VPS53: variants seen among roughly 807,000 people sequenced by gnomAD.
VPS53 encodes the protein vacuolar protein sorting-associated protein 53 homolog.
VPS53 carries 70 observed loss-of-function variants against 107.0 expected under a neutral mutation model. The observed-to-expected ratio is 0.65, with a 90% CI of 0.54 to 0.80. The LOEUF is 0.80. Among genes scored for constraint, VPS53 ranks in the 30% least tolerant of loss-of-function variants. The probability of loss-of-function intolerance (pLI) is 0.00; values close to 1 mark genes in which losing one functional copy is unlikely to be tolerated. For missense variants in VPS53, 917 were observed against 1,049.4 expected, an observed-to-expected ratio of 0.87 and a Z score of 1.74; for synonymous variants, 409 against 393.3, an observed-to-expected ratio of 1.04 and a Z score of -0.47.
chr17:589,040 C>A (rs985030131), intron 12 of VPS53, among the ~76,000 whole-genome samples: 2 of 151,852 alleles, frequency 1.3e-5, no homozygotes, highest in Admixed American at 6.6e-5. Context: ...AAACAGATAT[C>A]TTTTTATTAA....
chr17:672,536 C>A (rs535399347), intron 4 of VPS53, among the ~76,000 whole-genome samples: 76 of 152,260 alleles, frequency 5.0e-4, no homozygotes, highest in African/African-American at 1.8e-3. Flanking sequence ...TCTTTTAGAG[C>A]TTTGTAAATA....
chr17:548,900 A>G (rs1911549812), intron 17 of VPS53, among the ~76,000 whole-genome samples: 1 of 152,184 alleles, frequency 6.6e-6, no homozygotes, highest in Admixed American at 6.5e-5. Flanking sequence ...TCTGTTTCAA[A>G]CACCACTTCC....
chr17:707,175 A>C (rs1973439236), intron 2 of VPS53, among the ~76,000 whole-genome samples: 2 of 152,116 alleles, frequency 1.3e-5, no homozygotes, highest in Non-Finnish European at 2.9e-5. Context: ...ATTGGTACTC[A>C]CATATGTATA....
chr17:537,837 T>C (rs1009876572), intron 17 of VPS53: 1 of 152,184 alleles, frequency 6.6e-6, no homozygotes, highest in Non-Finnish European at 1.5e-5. Flanking sequence ...AATAAAACAC[T>C]TGAAGAGGTA....
In VPS53 at chr17:628,105, A is replaced by G. The variant is rs989869542; in HGVS notation, c.814T>C (p.Phe272Leu). ...ATACTCACATCTTGGTTTTCTTGAA[A>G]AAGTACCAGATACTCTGACAGATGC... is the stretch of plus-strand genomic sequence containing the variant. ...KQHLSEYLVL[F>L]QENQDVAWLD... Residue 272 changes from phenylalanine to leucine, a missense_variant, in exon 9 of 22, where the codon TTT becomes CTT. Phe to Leu is a conservative substitution (Grantham distance 22). Transcript: ENST00000437048. The G allele has an allele frequency of 2.5e-6, 4 of 1,611,112 alleles. No homozygotes were observed. Among genetic ancestry groups the G allele is most frequent in the Non-Finnish European group, 3.4e-6 (4 of 1,179,130 alleles).
At chr17:651,641 T>C (rs1013491325) in intron 7 of VPS53, among the ~76,000 whole-genome samples, 6 of 152,186 alleles carry the variant, frequency 3.9e-5, no homozygotes, top group Non-Finnish European at 8.8e-5. Flanking sequence ...ATAAGGAAAC[T>C]TAAGGAAAAC....
chr17:687,317 C>T (rs1459499384), intron 4 of VPS53, among the ~76,000 whole-genome samples: 2 of 151,010 alleles, frequency 1.3e-5, no homozygotes, highest in African/African-American at 4.9e-5. Context: ...GTGGCTCATA[C>T]CTGTAATCCC....
At chr17:660,876 G>A (rs1181289449) in intron 5 of VPS53, among the ~76,000 whole-genome samples, 6 of 152,156 alleles carry the variant, frequency 3.9e-5, no homozygotes, top group Admixed American at 1.3e-4. Context: ...CTGACAGACA[G>A]GACATTATTG....
intron 2 of VPS53, among the ~76,000 whole-genome samples, chr17:703,388 C>T (rs933490694): frequency 6.6e-6 from 1 of 152,148 alleles, no homozygotes; most frequent in Non-Finnish European, 1.5e-5. Context: ...TGATTCTTGA[C>T]CTAATTTTCC....
intron 7 of VPS53, among the ~76,000 whole-genome samples, chr17:643,742 C>A (rs1970557377): frequency 6.6e-6 from 1 of 152,152 alleles, no homozygotes; most frequent in Non-Finnish European, 1.5e-5. Flanking sequence ...GGACAACACT[C>A]ATACTTGGAA....
intron 1 of VPS53, among the ~76,000 whole-genome samples, chr17:711,848 G>C (rs576502577): frequency 1.4e-5 from 2 of 143,948 alleles, no homozygotes; most frequent in Non-Finnish European, 1.5e-5. Context: ...ACGGAGTCTC[G>C]CGCTGTCACC....
At chr17:631,486 G>C in intron 8 of VPS53, 64 bp downstream of exon 8, 1 of 1,513,070 alleles carries the variant, frequency 6.6e-7, no homozygotes, top group Non-Finnish European at 9.2e-7. Context: ...TGGTGACTGG[G>C]GTGAGCGTGA....
At chr17:529,881 A>G (rs1220749058) in intron 19 of VPS53, among the ~76,000 whole-genome samples, 1 of 151,814 alleles carries the variant, frequency 6.6e-6, no homozygotes, top group Non-Finnish European at 1.5e-5. Flanking sequence ...AAAAAAAAAA[A>G]AAAGAGCCAG....
intron 3 of VPS53, among the ~76,000 whole-genome samples, chr17:697,706 A>G (rs1973032283): frequency 6.6e-6 from 1 of 152,234 alleles, no homozygotes; most frequent in Non-Finnish European, 1.5e-5. Context: ...GTTGTTAAAA[A>G]TGCCTATTTT....
intron 5 of VPS53, among the ~76,000 whole-genome samples, chr17:659,461 A>G (rs193123152): frequency 1.3e-5 from 2 of 152,160 alleles, no homozygotes; most frequent in African/African-American, 4.8e-5. Flanking sequence ...TTGTATTTTT[A>G]GTAGAGACAC....
chr17:614,901 C>T (rs1441771712), intron 11 of VPS53, among the ~76,000 whole-genome samples: 4 of 152,106 alleles, frequency 2.6e-5, no homozygotes, highest in Non-Finnish European at 4.4e-5. Context: ...GAAGGGAAAT[C>T]CAGCTGCATA....
chr17:607,146 A>C (rs565500461), intron 11 of VPS53, among the ~76,000 whole-genome samples: 19 of 152,334 alleles, frequency 1.2e-4, no homozygotes, highest in South Asian at 1.2e-3. Flanking sequence ...GAAACAAGGC[A>C]AAACTGTTGT....
chr17:519,295 G>T lies in VPS53; in HGVS notation c.2332C>A (p.Leu778Met). ...TFQKILDMKG[L>M]KRSEQSSMLE... ...ATGCTGCTCTGCTCACTCCTCTTCA[G>T]CCCCTGAGGTTGAGAGAGAAACAGA... The change falls in exon 22 of 22, where the codon CTG (leucine) becomes ATG (methionine). Residue 778 changes from leucine (L) to methionine (M), a missense_variant. Transcript: ENST00000437048. This position sits in a 1 kb window ranked among gnomAD's most constrained non-coding sequence, Gnocchi z 5.0. 6.7e-7 allele frequency: 1 copy of T among 1,484,008 alleles called. No individual in the cohort carries two copies. The highest frequency in any genetic ancestry group is 9.0e-7 in the Non-Finnish European group (1 of 1,116,406). 91.9% of individuals were successfully genotyped at this position (1,484,008 alleles called of 1,614,324 possible).
In VPS53 at chr17:580,443, T is replaced by A. The variant is rs1227260084; in HGVS notation, c.1313+5827A>T. Among the ~76,000 whole-genome samples, 128 of 91,532 alleles carry A rather than the reference T, an allele frequency of 1.4e-3. No individual in the cohort carries two copies. The Middle Eastern group carries it at 0.033, about 23-fold the overall frequency. 60.0% of individuals were successfully genotyped at this position (91,532 alleles called of 152,430 possible). A position where few individuals can be genotyped will look rare whatever the true frequency, so the allele number is the denominator to read the frequency against. On this transcript the variant is annotated intron_variant, in intron 13 of 21. Coordinates refer to ENST00000437048, the MANE Select transcript of VPS53 (RefSeq NM_001128159.3). ...TCAGGACCTAAGGTGTTCCCAGAGA[T>A]CCTCCCTCAGAACCTAATGCGTTCC...
Sources: allele counts gnomAD v4.1 joint callset (sites outside exome capture counted in the v4.1 genomes callset), GRCh38; gene constraint gnomAD v4.1.1; non-coding constraint Gnocchi (gnomAD v3.1); transcripts MANE v1.5; gene names NCBI Gene and HGNC (gene_info 2026-07-23, HGNC 2026-07-21).